MRM1: variants seen among roughly 807,000 people sequenced by gnomAD.
The protein encoded by MRM1 is mitochondrial rRNA methyltransferase 1, also known as rRNA methyltransferase 1, mitochondrial.
A neutral mutation model predicts 25.0 loss-of-function variants in MRM1; 24 were observed. The ratio of observed to expected loss-of-function variants is 0.96; its 90% confidence interval spans 0.69 to 1.35. The LOEUF is 1.35. MRM1 is among the 40% of genes most tolerant of loss of function. The probability of loss-of-function intolerance (pLI) is 0.00; values close to 1 mark genes in which losing one functional copy is unlikely to be tolerated. For synonymous variants in MRM1, 188 were observed against 199.2 expected (o/e 0.94, Z 0.47); for missense variants, 431 against 464.1 (o/e 0.93, Z 0.65).
chr17:36,621,838 G>T, the MRM1 span, among the ~76,000 whole-genome samples: 3 of 152,200 alleles, frequency 2.0e-5, no homozygotes, highest in Admixed American at 6.5e-5. Context: ...TGGGGAGGGA[G>T]TATTTCCCCG....
At chr17:36,605,454 G>T (rs569449742) in intron 2 of MRM1, among the ~76,000 whole-genome samples, 1 of 151,622 alleles carries the variant, frequency 6.6e-6, no homozygotes, top group East Asian at 1.9e-4. Context: ...GATTACAGGC[G>T]TGAGCCACCT....
the MRM1 span, among the ~76,000 whole-genome samples, chr17:36,618,660 A>G: frequency 1.3e-5 from 2 of 152,190 alleles, no homozygotes; most frequent in African/African-American, 4.8e-5. Flanking sequence ...GGGAGCGGAC[A>G]GCCCAGGGCT....
the MRM1 span, among the ~76,000 whole-genome samples, chr17:36,632,606 C>CG: frequency 1.3e-5 from 2 of 152,274 alleles, no homozygotes; most frequent in South Asian, 4.2e-4. Flanking sequence ...GTGCTCCCCC[C>CG]CACTGCCATC....
At chr17:36,631,366 ACACATGTGTGCATGTATTTGTG>A in the MRM1 span, among the ~76,000 whole-genome samples, 5 of 152,256 alleles carry the variant, frequency 3.3e-5, no homozygotes, top group Non-Finnish European at 5.9e-5. Flanking sequence ...GATTTGGGGT[ACACATGTGTGCATGTATTTGTG>A]CACATGTGTG....
rs1200656298 is a variant in MRM1, at chr17:36,602,909, A to G, written c.636+263A>G. The G allele has an allele frequency of 1.0e-6, 1 of 984,410 alleles. No individual in the cohort carries two copies. The highest frequency in any genetic ancestry group is 4.7e-5 in the South Asian group (1 of 21,262). The allele number at this position is 984,410 out of a possible 1,614,324, so 61.0% of individuals were successfully genotyped here. A position where few individuals can be genotyped will look rare whatever the true frequency, so the allele number is the denominator to read the frequency against. On this transcript the variant is annotated intron_variant, in intron 2 of 4. Transcript: ENST00000614766. The surrounding 1 kb of genome is among the most constrained non-coding windows in gnomAD (Gnocchi z 4.1). ...TTTGCCTCTTCTGTAAGTCAGCCTC[A>G]GTGTCTATTTGCCTACTAGGTCGGG... is the stretch of plus-strand genomic sequence containing the variant.
At chr17:36,634,433 T>TC in the MRM1 span, 1 of 152,176 alleles carries the variant, frequency 6.6e-6, no homozygotes, top group African/African-American at 2.4e-5. Context: ...TGAACCTGGT[T>TC]CCCCCTGTGC....
At chr17:36,608,141 A>G in intron 4 of MRM1, 102 bp from the exon 5 acceptor site, 1 of 1,526,376 alleles carries the variant, frequency 6.6e-7, no homozygotes, top group Non-Finnish European at 8.9e-7. Flanking sequence ...AAATGGGGAA[A>G]TTACATCCCG....
At chr17:36,605,822 T>C (rs1358935831) in intron 2 of MRM1, among the ~76,000 whole-genome samples, 1 of 152,064 alleles carries the variant, frequency 6.6e-6, no homozygotes, top group Non-Finnish European at 1.5e-5. Flanking sequence ...GCTACCACTC[T>C]GGCCCAAGCA....
chr17:36,611,952 G>A (rs12450536), downstream of MRM1, among the ~76,000 whole-genome samples: 71,584 of 151,854 alleles, frequency 0.47, 19,144 homozygotes, highest in African/African-American at 0.73. Context: ...TTGAACACAC[G>A]CACAGTTGTT....
At chr17:36,628,929 G>C in the MRM1 span, among the ~76,000 whole-genome samples, 2 of 152,216 alleles carry the variant, frequency 1.3e-5, no homozygotes, top group Admixed American at 6.5e-5. Flanking sequence ...TGGAGAGAGA[G>C]AGAGAGGAGA....
intron 2 of MRM1, among the ~76,000 whole-genome samples, chr17:36,605,645 G>T (rs1194777918): frequency 6.6e-6 from 1 of 151,144 alleles, no homozygotes; most frequent in Non-Finnish European, 1.5e-5. Context: ...TGTTATTGTT[G>T]TTGTTGTTTT....
chr17:36,629,199 A>G, the MRM1 span, among the ~76,000 whole-genome samples: 5 of 152,222 alleles, frequency 3.3e-5, no homozygotes, highest in African/African-American at 1.2e-4. Flanking sequence ...AAGCCTTTCA[A>G]ATAGTGACAG....
chr17:36,617,186 C>T, the MRM1 span, among the ~76,000 whole-genome samples: 3 of 152,142 alleles, frequency 2.0e-5, no homozygotes, highest in African/African-American at 7.2e-5. Flanking sequence ...CTTGGCCCCA[C>T]AGAGACTCCA....
rs534392387 is a variant in MRM1 at position 36,608,542 on chromosome 17, G to C, written c.*127G>C. The C allele has an allele frequency of 1.8e-5, 9 of 487,054 alleles. 1 individual carries two copies. Among genetic ancestry groups the C allele is most frequent in the Admixed American group, 1.3e-4 (3 of 23,476 alleles). 30.2% of individuals were successfully genotyped at this position (487,054 alleles called of 1,614,324 possible). ...CCCATGTTTATTGACCACAGTCTGG[G>C]GGGGGGGGAAGGGGACTGCGGTGGA... On this transcript the variant is annotated 3_prime_UTR_variant, in exon 5 of 5. Coordinates refer to ENST00000614766, the MANE Select transcript of MRM1 (RefSeq NM_024864.5).
chr17:36,623,881 C>T, the MRM1 span, among the ~76,000 whole-genome samples: 29 of 152,256 alleles, frequency 1.9e-4, no homozygotes, highest in Admixed American at 5.2e-4. Context: ...CCACTTCATG[C>T]CCGGTGGGAA....
At chr17:36,633,612 A>G in the MRM1 span, among the ~76,000 whole-genome samples, 1 of 150,980 alleles carries the variant, frequency 6.6e-6, no homozygotes, top group African/African-American at 2.4e-5. Context: ...GGGAGGAGGA[A>G]GAGGAGGAAA....
At chr17:36,607,642 T>A (rs769710439) in intron 2 of MRM1, 28 bp from the exon 3 acceptor site, 1 of 1,594,786 alleles carries the variant, frequency 6.3e-7, no homozygotes, top group Non-Finnish European at 8.5e-7. Flanking sequence ...AAAAAAAGAA[T>A]TAGAACATAT....
chr17:36,615,069 G>A, the MRM1 span, among the ~76,000 whole-genome samples: 1 of 152,192 alleles, frequency 6.6e-6, no homozygotes, highest in Non-Finnish European at 1.5e-5. Context: ...CTCAGGCTCT[G>A]CAAAGGCTGC....
At chr17:36,617,850 C>G in the MRM1 span, among the ~76,000 whole-genome samples, 5 of 152,180 alleles carry the variant, frequency 3.3e-5, no homozygotes, top group Non-Finnish European at 4.4e-5. Context: ...CTGGCCGGGT[C>G]ACTGGGGGCT....
Sources: allele counts gnomAD v4.1 joint callset (sites outside exome capture counted in the v4.1 genomes callset), GRCh38; gene constraint gnomAD v4.1.1; non-coding constraint Gnocchi (gnomAD v3.1); transcripts MANE v1.5; gene names NCBI Gene and HGNC (gene_info 2026-07-23, HGNC 2026-07-21).